SLC41A3: variants seen among roughly 807,000 people sequenced by gnomAD.
SLC41A3 encodes SLC41A1-like 2.
SLC41A3 carries 44 observed loss-of-function variants against 45.4 expected under a neutral mutation model. That is an observed-to-expected ratio of 0.97 (90% CI 0.76 to 1.25). The LOEUF is 1.25. Ranked by LOEUF, SLC41A3 falls within the 50% of genes most tolerant of loss-of-function variation. The probability of loss-of-function intolerance (pLI) is 0.00; values close to 1 mark genes in which losing one functional copy is unlikely to be tolerated. For missense variants in SLC41A3, 550 were observed against 600.6 expected, an observed-to-expected ratio of 0.92 and a Z score of 0.88; for synonymous variants, 256 against 252.4, an observed-to-expected ratio of 1.01 and a Z score of -0.13.
At chr3:126,010,447 G>GGGCAACA (rs1262694137) in intron 9 of SLC41A3, among the ~76,000 whole-genome samples, 1 of 152,196 alleles carries the variant, frequency 6.6e-6, no homozygotes, top group Non-Finnish European at 1.5e-5. Flanking sequence ...ACTCCAGCCT[G>GGGCAACA]GGCAACAGAG....
At chr3:126,017,475 G>A (rs376282959) in intron 6 of SLC41A3, among the ~76,000 whole-genome samples, 25 of 152,336 alleles carry the variant, frequency 1.6e-4, no homozygotes, top group South Asian at 4.1e-4. Flanking sequence ...CTCCACTGGC[G>A]AGAGGCCAGT....
intron 1 of SLC41A3, chr3:126,095,249 A>G: frequency 1.4e-6 from 1 of 690,258 alleles, no homozygotes; most frequent in Non-Finnish European, 2.6e-6. Flanking sequence ...CATGAGCCAG[A>G]TGCCAAGGAA....
intron 7 of SLC41A3, among the ~76,000 whole-genome samples, chr3:126,016,128 CAA>C (rs1426011520): frequency 1.3e-5 from 2 of 152,246 alleles, no homozygotes; most frequent in Non-Finnish European, 1.5e-5. Context: ...CCCCAAGACT[CAA>C]AGTTAGAAAA....
At chr3:126,074,838 G>T (rs1031282714) in intron 1 of SLC41A3, among the ~76,000 whole-genome samples, 4 of 152,178 alleles carry the variant, frequency 2.6e-5, no homozygotes, top group African/African-American at 9.7e-5. Flanking sequence ...ATTCCACCAT[G>T]CTCAGCTACT....
intron 3 of SLC41A3, among the ~76,000 whole-genome samples, chr3:126,048,910 T>A (rs1169493903): frequency 6.8e-6 from 1 of 146,266 alleles, no homozygotes; most frequent in African/African-American, 2.6e-5. Flanking sequence ...ATTTATACCT[T>A]AAGACTGATT....
chr3:126,088,062 T>G (rs1406459272), upstream of SLC41A3, among the ~76,000 whole-genome samples: 2 of 152,232 alleles, frequency 1.3e-5, no homozygotes, highest in Admixed American at 1.3e-4. Context: ...AGATAATAGA[T>G]CTCTCCTTCA....
chr3:126,025,032 C>G (rs1941222306), intron 5 of SLC41A3: 1 of 152,304 alleles, frequency 6.6e-6, no homozygotes, highest in African/African-American at 2.4e-5. Flanking sequence ...GAGGAGGCCT[C>G]AGGACAAAAG....
Position 126,006,591 on chromosome 3 carries a change from G to C in SLC41A3, c.*425C>G. On this transcript the variant is annotated 3_prime_UTR_variant, in exon 11 of 11. Coordinates refer to ENST00000360370, the MANE Select transcript of SLC41A3 (RefSeq NM_017836.4). ...TGGTGAAGACAGCAAGTAAGCCACA[G>C]CTCAAGAGTTCTGAGGCTTGGGAAC... 1 of 1,582,290 alleles carries C rather than the reference G, an allele frequency of 6.3e-7. No individual in the cohort carries two copies. The highest frequency in any genetic ancestry group is 2.2e-5 in the East Asian group (1 of 44,728).
intron 10 of SLC41A3, among the ~76,000 whole-genome samples, chr3:126,008,321 G>A (rs1212391522): frequency 2.0e-5 from 3 of 152,224 alleles, no homozygotes. Context: ...CATGTGGCAT[G>A]CACTGTGACA....
At chr3:126,015,595 G>T in intron 7 of SLC41A3, 22 bp from the exon 8 acceptor site, 2 of 1,612,982 alleles carry the variant, frequency 1.2e-6, no homozygotes, top group Non-Finnish European at 1.7e-6. Context: ...GCAGACAGCA[G>T]TCAAGTTATC....
At chr3:126,007,424 C>T (rs1326761107) in intron 10 of SLC41A3, among the ~76,000 whole-genome samples, 199 bp from the exon 11 acceptor site, 4 of 152,198 alleles carry the variant, frequency 2.6e-5, no homozygotes, top group Non-Finnish European at 5.9e-5. Context: ...CTCATCTGTA[C>T]TTACCTAGCC....
intron 2 of SLC41A3, among the ~76,000 whole-genome samples, chr3:126,056,204 G>A (rs982662575): frequency 1.3e-5 from 2 of 152,122 alleles, no homozygotes; most frequent in Non-Finnish European, 2.9e-5. Context: ...TGCCAGCCTC[G>A]CTGACACCCG....
chr3:126,093,239 G>C (rs1945524634), intron 1 of SLC41A3, among the ~76,000 whole-genome samples: 1 of 152,188 alleles, frequency 6.6e-6, no homozygotes, highest in Non-Finnish European at 1.5e-5. Flanking sequence ...AGCGAGTCAG[G>C]CTGCCAGATA....
intron 3 of SLC41A3, among the ~76,000 whole-genome samples, chr3:126,049,026 C>T (rs747931354): frequency 2.0e-5 from 3 of 152,138 alleles, no homozygotes; most frequent in Non-Finnish European, 4.4e-5. Flanking sequence ...TATGGCCAGG[C>T]GCGGTGGCTC....
At chr3:126,015,965 T>G (rs983785239) in intron 7 of SLC41A3, among the ~76,000 whole-genome samples, 3 of 152,242 alleles carry the variant, frequency 2.0e-5, no homozygotes, top group African/African-American at 7.2e-5. Context: ...CAGAAAATGC[T>G]GCAGCCAGAC....
At chr3:126,095,411 T>C (rs1156824911) in intron 1 of SLC41A3, 2 of 493,696 alleles carry the variant, frequency 4.1e-6, no homozygotes, top group South Asian at 3.2e-5. Flanking sequence ...GAAGAAAACC[T>C]AAGGAAAGCG....
chr3:126,053,114 G>A (rs1481684342), intron 2 of SLC41A3, among the ~76,000 whole-genome samples: 1 of 152,196 alleles, frequency 6.6e-6, no homozygotes. Context: ...GCTGAACTGT[G>A]TCCCCCAAAA....
At chr3:126,096,806 C>T (rs1945612053) in intron 1 of SLC41A3, among the ~76,000 whole-genome samples, 1 of 152,196 alleles carries the variant, frequency 6.6e-6, no homozygotes, top group Non-Finnish European at 1.5e-5. Context: ...TGATTTCCCA[C>T]TTCACACCTC....
At chr3:126,048,760 G>A (rs1444257602) in intron 3 of SLC41A3, among the ~76,000 whole-genome samples, 1 of 152,322 alleles carries the variant, frequency 6.6e-6, no homozygotes, top group Non-Finnish European at 1.5e-5. Flanking sequence ...GAGTAGGGGA[G>A]TGGGCTGCAA....
Sources: allele counts gnomAD v4.1 joint callset (sites outside exome capture counted in the v4.1 genomes callset), GRCh38; gene constraint gnomAD v4.1.1; transcripts MANE v1.5; gene names NCBI Gene and HGNC (gene_info 2026-07-23, HGNC 2026-07-21).